The following INPP5D variants were observed in gnomAD, a reference collection of about 807,000 sequenced individuals.
INPP5D encodes inositol polyphosphate-5-phosphatase D, also known as phosphatidylinositol 3,4,5-trisphosphate 5-phosphatase 1.
A neutral mutation model predicts 122.9 loss-of-function variants in INPP5D; 33 were observed. That is an observed-to-expected ratio of 0.27 (90% CI 0.20 to 0.36). The LOEUF (loss-of-function observed/expected upper bound fraction) is 0.36, where lower values mean the gene tolerates loss of function less well. Ranked by LOEUF, INPP5D falls within the 10% of genes least tolerant of loss-of-function variation. The pLI is 1.00. For missense variants in INPP5D, 1,053 were observed against 1,412.7 expected (o/e 0.75, Z 4.08); for synonymous variants, 584 against 576.2 (o/e 1.01, Z -0.19).
rs1027363077 is a variant in INPP5D at position 233,082,300 on chromosome 2, G to A, written c.198+2902G>A. Among the ~76,000 whole-genome samples, 1 of 152,174 alleles carries A rather than the reference G, an allele frequency of 6.6e-6. No homozygotes were observed. The highest frequency in any genetic ancestry group is 1.5e-5 in the Non-Finnish European group (1 of 68,036). ...CAAGTGCACACTCATGCCCAATTAAGCAGACTCAGAGCCCTTCGGGGAAGC... is the reference window on the plus strand; with the variant it reads ...CAAGTGCACACTCATGCCCAATTAAACAGACTCAGAGCCCTTCGGGGAAGC... On this transcript the variant is annotated intron_variant, in intron 2 of 26. Coordinates refer to ENST00000445964, the MANE Select transcript of INPP5D (RefSeq NM_001017915.3). The surrounding 1 kb of genome is among the most constrained non-coding windows in gnomAD (Gnocchi z 4.7).
chr2:233,116,539 C>T (rs895196570), intron 2 of INPP5D, among the ~76,000 whole-genome samples: 16 of 152,028 alleles, frequency 1.1e-4, no homozygotes, highest in African/African-American at 3.1e-4. Context: ...CTGCCCACCT[C>T]GGCCTCTCAA....
At chr2:233,200,370 G>A (rs1363996145) in intron 25 of INPP5D, among the ~76,000 whole-genome samples, 1 of 152,242 alleles carries the variant, frequency 6.6e-6, no homozygotes, top group Non-Finnish European at 1.5e-5. Context: ...GATTTAAGAT[G>A]GGCAAGATAG....
At position 233,204,302 on chromosome 2, in the gene INPP5D, C is replaced by G; in HGVS notation, c.3152C>G (p.Pro1051Arg). Residue 1051 changes from proline (P) to arginine (R), a missense_variant, in exon 26 of 27, where the codon CCG (proline) becomes CGG (arginine). Coordinates refer to ENST00000445964, the MANE Select transcript of INPP5D (RefSeq NM_001017915.3). ...CCGCGGAAGGAACCCCCGCCCTGCCCGGAACCCGGCATCTTGTCGCCCAGC... is the reference window on the plus strand; with the variant it reads ...CCGCGGAAGGAACCCCCGCCCTGCCGGGAACCCGGCATCTTGTCGCCCAGC... ...KMPRKEPPPC[P>R]EPGILSPSIV... The G allele has an allele frequency of 6.2e-7, 1 of 1,612,466 alleles. No homozygotes were observed. The highest frequency in any genetic ancestry group is 8.5e-7 in the Non-Finnish European group (1 of 1,179,430).
intron 4 of INPP5D, among the ~76,000 whole-genome samples, chr2:233,130,016 C>T (rs1693274120): frequency 6.6e-6 from 1 of 152,184 alleles, no homozygotes; most frequent in African/African-American, 2.4e-5. Context: ...ATTCTCCTGT[C>T]TCAGCCTCCC....
intron 3 of INPP5D, among the ~76,000 whole-genome samples, chr2:233,124,699 C>T (rs1693101594): frequency 6.6e-6 from 1 of 152,262 alleles, no homozygotes; most frequent in South Asian, 2.1e-4. Flanking sequence ...TCCCCTCGGG[C>T]TGCCCATCCC....
At position 233,177,158 on chromosome 2, in the gene INPP5D, G is replaced by T; in HGVS notation, c.1990-107G>T. ...AGGGAAATTCTATAAAAAGCCAACA[G>T]CCGATGAATTTGAGGATTACAGAGG... On this transcript the variant is annotated intron_variant, in intron 17 of 26. Transcript: ENST00000445964. The surrounding 1 kb of genome is among the most constrained non-coding windows in gnomAD (Gnocchi z 4.2). 6.9e-7 allele frequency: 1 copy of T among 1,457,224 alleles called. No individual in the cohort carries two copies. The allele number at this position is 1,457,224 out of a possible 1,614,324, so 90.3% of individuals were successfully genotyped here. A position where few individuals can be genotyped will look rare whatever the true frequency, so the allele number is the denominator to read the frequency against.
rs945920685 is a variant in INPP5D at position 233,078,938 on chromosome 2, C to T, written c.135-397C>T. ...CCTTGTGATCCACCCATCTCAGCCT[C>T]CCAAAGTGCTGGGATTACAGGCGTG... On this transcript the variant is annotated intron_variant, in intron 1 of 26. Transcript: ENST00000445964. The surrounding 1 kb of genome is among the most constrained non-coding windows in gnomAD (Gnocchi z 4.6). Among the ~76,000 whole-genome samples, 4 of 152,282 alleles carry T rather than the reference C, an allele frequency of 2.6e-5. No individual in the cohort carries two copies. The South Asian group carries it at 8.3e-4, about 32-fold the overall frequency.
chr2:233,093,780 A>G lies in INPP5D; in HGVS notation c.198+14382A>G, dbSNP rs79118474. Among the ~76,000 whole-genome samples the G allele has an allele frequency of 4.0e-3, 607 of 152,228 alleles. 11 individuals are homozygous for G. In the South Asian group the frequency reaches 0.05, roughly 13 times the overall value. ...ATGGACAGTCTTCAATTTTGGGGTG[A>G]AAAGATTTGCAAAAATTTGTCAATA... On this transcript the variant is annotated intron_variant, in intron 2 of 26. Coordinates refer to ENST00000445964, the MANE Select transcript of INPP5D (RefSeq NM_001017915.3).
intron 18 of INPP5D, among the ~76,000 whole-genome samples, chr2:233,181,374 GT>G (rs1407637176): frequency 3.9e-5 from 6 of 152,144 alleles, no homozygotes; most frequent in African/African-American, 1.4e-4. Flanking sequence ...TTTGCTGGCG[GT>G]TTTTCCTTTG....
In INPP5D at chr2:233,080,182, G is replaced by A. The variant is rs948560741; in HGVS notation, c.198+784G>A. ...TGACAGCGAATGATCTGCCCACCTC[G>A]GCCTCCCAAAGTTCTGGGATTATAG... On this transcript the variant is annotated intron_variant, in intron 2 of 26. Coordinates refer to ENST00000445964, the MANE Select transcript of INPP5D (RefSeq NM_001017915.3). Among the ~76,000 whole-genome samples, 3 of 152,110 alleles carry A rather than the reference G, an allele frequency of 2.0e-5. No homozygotes were observed. In the South Asian group the frequency reaches 6.2e-4, roughly 32 times the overall value.
intron 14 of INPP5D, 113 bp from the exon 15 acceptor site, chr2:233,169,913 T>C (rs968638979): frequency 1.3e-6 from 2 of 1,559,660 alleles, no homozygotes; most frequent in Admixed American, 3.5e-5. Context: ...AAGTCTCACT[T>C]CCCCCCACCT....
intron 1 of INPP5D, among the ~76,000 whole-genome samples, chr2:233,067,024 C>T (rs982538874): frequency 5.9e-5 from 9 of 152,104 alleles, no homozygotes; most frequent in Non-Finnish European, 1.2e-4. Flanking sequence ...GTGATCTGCC[C>T]GCCTAGGCCT....
At chr2:233,187,519 G>A (rs999451974) in intron 21 of INPP5D, among the ~76,000 whole-genome samples, 5 of 152,210 alleles carry the variant, frequency 3.3e-5, no homozygotes, top group Admixed American at 1.3e-4. Flanking sequence ...CAGGTTTCAG[G>A]GGGCTGGACC....
chr2:233,196,012 TA>T (rs1695173815), intron 24 of INPP5D, among the ~76,000 whole-genome samples: 1 of 152,054 alleles, frequency 6.6e-6, no homozygotes, highest in Non-Finnish European at 1.5e-5. Flanking sequence ...TAGTCCTAAC[TA>T]CTTAGGAGGC....
At chr2:233,066,201 A>G (rs903823774) in intron 1 of INPP5D, among the ~76,000 whole-genome samples, 1 of 151,434 alleles carries the variant, frequency 6.6e-6, no homozygotes, top group Non-Finnish European at 1.5e-5. Context: ...TGGTTCTCCC[A>G]CCTTGGCCTC....
At position 233,171,050 on chromosome 2, in the gene INPP5D, T is replaced by A; in HGVS notation, c.1901-14T>A. On this transcript the variant is annotated splice_polypyrimidine_tract_variant and intron_variant, in intron 16 of 26. Transcript: ENST00000445964. ...TGGGGAATCAGAATTAAAACGAAAG[T>A]CTCTCTGTTTCAGAGGAGGAAGAAA... 6.2e-7 allele frequency: 1 copy of A among 1,613,382 alleles called. No individual in the cohort carries two copies. Among genetic ancestry groups the A allele is most frequent in the Non-Finnish European group, 8.5e-7 (1 of 1,179,734 alleles).
chr2:233,091,546 T>C (rs1691993375), intron 2 of INPP5D, among the ~76,000 whole-genome samples: 12 of 152,140 alleles, frequency 7.9e-5, no homozygotes. Context: ...TCAGAACCAG[T>C]AATGGCCCAT....
At position 233,093,946 on chromosome 2, in the gene INPP5D, G is replaced by A. The variant is rs371407359; in HGVS notation, c.198+14548G>A. The stretch of plus-strand genomic sequence containing the variant: ...GCACCCTTCTTCTGCCTCCTGGCCC[G>A]TTTTCCCTGTGCTTCTCCCTGGAGT... On this transcript the variant is annotated intron_variant, in intron 2 of 26. Coordinates refer to ENST00000445964, the MANE Select transcript of INPP5D (RefSeq NM_001017915.3). Among the ~76,000 whole-genome samples the A allele has an allele frequency of 1.6e-4, 25 of 152,128 alleles. No homozygotes were observed. The South Asian group carries it at 4.4e-3, about 27-fold the overall frequency.
At chr2:233,138,303 TAAAAAA>T (rs749510803) in intron 5 of INPP5D, among the ~76,000 whole-genome samples, 74 of 103,644 alleles carry the variant, frequency 7.1e-4, no homozygotes, top group Admixed American at 1.2e-3. Flanking sequence ...TAAGATTGTC[TAAAAAA>T]AAAAAAAAAA....
Sources: gnomAD v4.1 joint callset for allele counts (sites outside exome capture counted in the v4.1 genomes callset) on GRCh38, gnomAD v4.1.1 for gene constraint, Gnocchi (gnomAD v3.1) non-coding constraint, MANE v1.5 for transcripts, NCBI Gene and HGNC (gene_info 2026-07-23, HGNC 2026-07-21) for gene names.